DLGAP3: variants seen among roughly 807,000 people sequenced by gnomAD.
The protein encoded by DLGAP3 is DLG associated protein 3.
A neutral mutation model predicts 81.2 loss-of-function variants in DLGAP3; 17 were observed. The observed-to-expected ratio is 0.21, with a 90% CI of 0.14 to 0.31. DLGAP3 has a LOEUF of 0.31. Among genes scored for constraint, DLGAP3 ranks in the 10% least tolerant of loss-of-function variants. The pLI, the probability that DLGAP3 is intolerant of heterozygous loss-of-function variation, is 1.00. For missense variants in DLGAP3, 1,124 were observed against 1,388.0 expected (o/e 0.81, Z 3.02); for synonymous variants, 577 against 587.4 (o/e 0.98, Z 0.26).
intron 1 of DLGAP3, among the ~76,000 whole-genome samples, chr1:34,918,909 G>T (rs1008976650): frequency 6.6e-6 from 1 of 152,146 alleles, no homozygotes; most frequent in Non-Finnish European, 1.5e-5. Context: ...AAGCTAGAGG[G>T]GTGGGGGCTT....
At position 34,866,210 on chromosome 1, in the gene DLGAP3, C is replaced by A; in HGVS notation, c.2813G>T (p.Arg938Leu). The change falls in exon 12 of 12, where the codon CGG becomes CTG. Residue 938 changes from arginine to leucine, a missense_variant. Transcript: ENST00000373347. The stretch of plus-strand genomic sequence containing the variant: ...CCGCTTGCGCGCTTCCTGCCGCTGC[C>A]GGTCCACGGAGTCCAGGGAGCGCTC... ...VKERSLDSVD[R>L]QRQEARKRLL... is the part of the protein sequence containing the mutation. 6.3e-7 allele frequency: 1 copy of A among 1,593,800 alleles called. No homozygotes were observed. Among genetic ancestry groups the A allele is most frequent in the Non-Finnish European group, 8.5e-7 (1 of 1,175,106 alleles).
chr1:34,911,585 T>C (rs539977328), intron 1 of DLGAP3, among the ~76,000 whole-genome samples: 122 of 151,996 alleles, frequency 8.0e-4, no homozygotes, highest in Middle Eastern at 6.8e-3. Flanking sequence ...TCTGGGAGGG[T>C]GCCGTGTGTG....
chr1:34,885,553 G>A lies in DLGAP3; in HGVS notation c.1839C>T (p.Ile613=), dbSNP rs758905561. The A allele has an allele frequency of 6.2e-7, 1 of 1,608,362 alleles. No homozygotes were observed. Among genetic ancestry groups the A allele is most frequent in the Non-Finnish European group, 8.5e-7 (1 of 1,179,728 alleles). ...RASPKPPTLI[I]KTIPGREELR... Reference sequence around the variant, plus strand: ...GCTCCTCCCTGCCAGGGATGGTCTTGATGATGAGTGTGGGGGGCTTGGGGC... The same window carrying A: ...GCTCCTCCCTGCCAGGGATGGTCTTAATGATGAGTGTGGGGGGCTTGGGGC... The change falls in exon 7 of 12, where the codon ATC becomes ATT. Residue 613 remains isoleucine (I), a synonymous_variant. Transcript: ENST00000373347.
At chr1:34,918,898 C>G (rs890504580) in intron 1 of DLGAP3, among the ~76,000 whole-genome samples, 17 of 152,176 alleles carry the variant, frequency 1.1e-4, no homozygotes, top group Non-Finnish European at 2.9e-5. Context: ...GGGCCGGGGC[C>G]AAGCTAGAGG....
In DLGAP3 at chr1:34,902,847, G is replaced by A. The variant is rs775876855; in HGVS notation, c.1107+1430C>T. Reference sequence around the variant, plus strand: ...CCCTGAAGCAGCAGCAGGGAGCAGCGAAATGGCAACAAGTCTTCAGGGATG... The same window carrying A: ...CCCTGAAGCAGCAGCAGGGAGCAGCAAAATGGCAACAAGTCTTCAGGGATG... On this transcript the variant is annotated intron_variant, in intron 3 of 11. Transcript: ENST00000373347. This position sits in a 1 kb window ranked among gnomAD's most constrained non-coding sequence, Gnocchi z 4.4. Among the ~76,000 whole-genome samples the A allele has an allele frequency of 1.4e-4, 22 of 152,224 alleles. No homozygotes were observed. Among genetic ancestry groups the A allele is most frequent in the South Asian group, 4.1e-4 (2 of 4,824 alleles).
chr1:34,885,407 G>T (rs1279406989), intron 7 of DLGAP3, 71 bp downstream of exon 7: 3 of 1,514,078 alleles, frequency 2.0e-6, no homozygotes, highest in Non-Finnish European at 2.7e-6. Flanking sequence ...CCAGAAGGCC[G>T]CTTCCAGCCC....
intron 8 of DLGAP3, among the ~76,000 whole-genome samples, chr1:34,871,641 G>A (rs1249612916): frequency 6.6e-6 from 1 of 152,232 alleles, no homozygotes; most frequent in East Asian, 1.9e-4. Context: ...AAAGGAGGGG[G>A]TTGCTCCAAT....
Position 34,900,001 on chromosome 1 carries a change from C to A in DLGAP3, c.1313+67G>T. On this transcript the variant is annotated intron_variant, in intron 4 of 11. Coordinates refer to ENST00000373347, the MANE Select transcript of DLGAP3 (RefSeq NM_001080418.3). This position sits in a 1 kb window ranked among gnomAD's most constrained non-coding sequence, Gnocchi z 5.6. ...CTACCTGACTGGCACCCACTCTACA[C>A]ACATCTCCCGCAGGAGTCCAGCATC... is the stretch of plus-strand genomic sequence containing the variant. 7.2e-7 allele frequency: 1 copy of A among 1,398,266 alleles called. No individual in the cohort carries two copies. 86.6% of individuals were successfully genotyped at this position (1,398,266 alleles called of 1,614,324 possible). A position where few individuals can be genotyped will look rare whatever the true frequency, so the allele number is the denominator to read the frequency against.
intron 5 of DLGAP3, among the ~76,000 whole-genome samples, chr1:34,893,688 A>T (rs1182471769): frequency 6.9e-6 from 1 of 144,428 alleles, no homozygotes; most frequent in Non-Finnish European, 1.5e-5. Context: ...ATATTTTACC[A>T]TAATTATATT....
chr1:34,885,073 G>T lies in DLGAP3; in HGVS notation c.1915-10C>A. 1 of 1,609,760 alleles carries T rather than the reference G, an allele frequency of 6.2e-7. No individual in the cohort carries two copies. On this transcript the variant is annotated splice_polypyrimidine_tract_variant and intron_variant, in intron 7 of 11. Transcript: ENST00000373347. ...CTGAGATCGTCTCCACCTGGTGGCA[G>T]GGTGGAGGAGTCAGTGGCTGTGGCG...
chr1:34,913,610 T>C (rs924112550), intron 1 of DLGAP3, among the ~76,000 whole-genome samples: 6 of 152,216 alleles, frequency 3.9e-5, no homozygotes, highest in Admixed American at 2.6e-4. Context: ...TGTCTCCCCA[T>C]AGTAGAATAT....
At chr1:34,884,856 A>C (rs1025130493) in intron 8 of DLGAP3, 122 bp downstream of exon 8, 28 of 792,524 alleles carry the variant, frequency 3.5e-5, no homozygotes, top group Non-Finnish European at 5.9e-5. Flanking sequence ...CCTCTATAAA[A>C]AGGCTTGGTC....
chr1:34,866,458 G>C (rs1323178114), intron 11 of DLGAP3, among the ~76,000 whole-genome samples, 157 bp from the exon 12 acceptor site: 2 of 152,164 alleles, frequency 1.3e-5, no homozygotes, highest in African/African-American at 4.8e-5. Context: ...TGAAGCCCCA[G>C]GTGCTCCTGT....
intron 5 of DLGAP3, among the ~76,000 whole-genome samples, chr1:34,891,945 A>G (rs1639317460): frequency 6.6e-6 from 1 of 152,278 alleles, no homozygotes; most frequent in South Asian, 2.1e-4. Flanking sequence ...ATCTAGAATT[A>G]CTACAATATA....
At chr1:34,870,166 T>G (rs1326739649) in intron 8 of DLGAP3, among the ~76,000 whole-genome samples, 1 of 152,200 alleles carries the variant, frequency 6.6e-6, no homozygotes, top group African/African-American at 2.4e-5. Flanking sequence ...TATGCAAATC[T>G]TATGCAAACC....
chr1:34,910,013 T>C (rs2148415194), intron 1 of DLGAP3, among the ~76,000 whole-genome samples: 2 of 152,312 alleles, frequency 1.3e-5, no homozygotes, highest in South Asian at 4.1e-4. Context: ...GGAAAGATTT[T>C]GCCTTTGTGA....
rs966619300 is a variant in DLGAP3 at position 34,867,830 on chromosome 1, T to C, written c.2486-203A>G. 4.6e-5 allele frequency among the ~76,000 whole-genome samples: 7 copies of C among 152,110 alleles called. No homozygotes were observed. Among genetic ancestry groups the C allele is most frequent in the African/African-American group, 1.7e-4 (7 of 41,390 alleles). On this transcript the variant is annotated intron_variant, in intron 9 of 11. Coordinates refer to ENST00000373347, the MANE Select transcript of DLGAP3 (RefSeq NM_001080418.3). The surrounding 1 kb of genome is among the most constrained non-coding windows in gnomAD (Gnocchi z 4.3). Reference sequence around the variant, plus strand: ...CCAAGACTGTATCCTCAGACACTGATGTTCCCTCCTTCATACAGCCTACAT... The same window carrying C: ...CCAAGACTGTATCCTCAGACACTGACGTTCCCTCCTTCATACAGCCTACAT...
At chr1:34,908,055 T>TC (rs1409369690) in intron 1 of DLGAP3, among the ~76,000 whole-genome samples, 1 of 152,212 alleles carries the variant, frequency 6.6e-6, no homozygotes, top group African/African-American at 2.4e-5. Flanking sequence ...ACCCTGGGTG[T>TC]CCCCATGAAA....
chr1:34,869,400 C>T (rs1379833237), intron 8 of DLGAP3, among the ~76,000 whole-genome samples: 1 of 151,316 alleles, frequency 6.6e-6, no homozygotes, highest in Non-Finnish European at 1.5e-5. Flanking sequence ...CCTGGAGAGG[C>T]TAGATTGTGG....
Sources: gnomAD v4.1 joint callset for allele counts (sites outside exome capture counted in the v4.1 genomes callset) on GRCh38, gnomAD v4.1.1 for gene constraint, Gnocchi (gnomAD v3.1) non-coding constraint, MANE v1.5 for transcripts, NCBI Gene and HGNC (gene_info 2026-07-23, HGNC 2026-07-21) for gene names.